ZNF695: variants seen among roughly 807,000 people sequenced by gnomAD.
ZNF695 encodes the protein zinc finger protein SBZF3.
ZNF695 carries 11 observed loss-of-function variants against 11.2 expected under a neutral mutation model. The observed-to-expected ratio is 0.98, with a 90% CI of 0.62 to 1.62. The LOEUF (loss-of-function observed/expected upper bound fraction) is 1.62. ZNF695 is among the 40% of genes most tolerant of loss of function. The pLI, the probability that ZNF695 is intolerant of heterozygous loss-of-function variation, is 0.00. For synonymous variants in ZNF695, 190 were observed against 201.4 expected (o/e 0.94, Z 0.48); for missense variants, 559 against 590.5 (o/e 0.95, Z 0.55).
intron 4 of ZNF695, among the ~76,000 whole-genome samples, chr1:246,980,299 A>T (rs1410723171): frequency 1.3e-5 from 2 of 151,456 alleles, no homozygotes; most frequent in Non-Finnish European, 2.9e-5. Flanking sequence ...TGATACATTT[A>T]GTCACTTTCT....
chr1:246,947,221 A>G, intron 5 of ZNF695, among the ~76,000 whole-genome samples: 1 of 134,222 alleles, frequency 7.5e-6, no homozygotes, highest in East Asian at 2.4e-4. Flanking sequence ...TTTTTTAGAG[A>G]CAGACCCTCC....
intron 5 of ZNF695, among the ~76,000 whole-genome samples, chr1:246,964,958 G>A (rs1356971922): frequency 6.6e-6 from 1 of 152,204 alleles, no homozygotes; most frequent in African/African-American, 2.4e-5. Flanking sequence ...GGAACTTTAT[G>A]GGGTGATTGG....
intron 5 of ZNF695, among the ~76,000 whole-genome samples, chr1:246,947,181 G>GTT (rs1262310347): frequency 7.7e-6 from 1 of 129,746 alleles, no homozygotes; most frequent in Non-Finnish European, 1.6e-5. Flanking sequence ...GGGTGATAGG[G>GTT]TTTTTTATTT....
rs368774789 is a variant in ZNF695, at chr1:246,988,147, C to T, written c.368G>A (p.Arg123His). ...RYERCCLEKL[R>H]LRNDWEIVGE... The stretch of plus-strand genomic sequence containing the variant: ...CACAATTTCCCAGTCATTCCTTAAG[C>T]GTAATTTCTCAAGACAACATCTTTC... Residue 123 changes from arginine (R) to histidine (H), a missense_variant, in exon 4 of 4, where the codon CGC becomes CAC. Transcript: ENST00000339986. The T allele has an allele frequency of 1.2e-5, 20 of 1,613,598 alleles. No homozygotes were observed. Among genetic ancestry groups the T allele is most frequent in the East Asian group, 6.7e-5 (3 of 44,878 alleles).
Position 246,985,826 on chromosome 1 carries a change from A to T in ZNF695, c.*1141T>A. On this transcript the variant is annotated 3_prime_UTR_variant, in exon 4 of 4. Coordinates refer to ENST00000339986, the MANE Select transcript of ZNF695 (RefSeq NM_020394.5). ...AAGTACAAAGAGCCTCTCCAGTTAA[A>T]TTTCTTCAGGAAGCTTACAATGCAA... 1.0e-6 allele frequency: 1 copy of T among 985,424 alleles called. No homozygotes were observed. The allele number at this position is 985,424 out of a possible 1,614,324, so 61.0% of individuals were successfully genotyped here.
At chr1:246,951,817 C>T (rs964806709) in intron 5 of ZNF695, among the ~76,000 whole-genome samples, 1 of 152,176 alleles carries the variant, frequency 6.6e-6, no homozygotes, top group African/African-American at 2.4e-5. Flanking sequence ...AGAATGAGCC[C>T]CATAGGCTTT....
At chr1:246,972,331 C>G (rs561471413) in intron 4 of ZNF695, among the ~76,000 whole-genome samples, 21 of 152,338 alleles carry the variant, frequency 1.4e-4, no homozygotes, top group African/African-American at 4.6e-4. Flanking sequence ...AGCAACCCCC[C>G]AAGTGGTTGC....
intron 4 of ZNF695, among the ~76,000 whole-genome samples, chr1:246,976,672 T>G (rs933077283): frequency 6.6e-6 from 1 of 151,922 alleles, no homozygotes; most frequent in Non-Finnish European, 1.5e-5. Context: ...CGGGCACCTG[T>G]AGTCCCAGCT....
chr1:246,971,702 T>C (rs964621780), intron 4 of ZNF695, among the ~76,000 whole-genome samples: 3 of 152,170 alleles, frequency 2.0e-5, no homozygotes, highest in African/African-American at 7.2e-5. Context: ...GAATAAAGAG[T>C]AATGCTAGAA....
chr1:246,960,796 G>A (rs771271868), intron 5 of ZNF695, among the ~76,000 whole-genome samples: 2 of 152,130 alleles, frequency 1.3e-5, no homozygotes, highest in Admixed American at 1.3e-4. Flanking sequence ...AGCTGGGCAT[G>A]GTGGTGCTCA....
intron 1 of ZNF695, among the ~76,000 whole-genome samples, chr1:247,000,330 C>A (rs1669327683): frequency 6.6e-6 from 1 of 152,046 alleles, no homozygotes; most frequent in Admixed American, 6.6e-5. Flanking sequence ...CACGGTGAAA[C>A]CCCATCTCTG....
At chr1:246,955,256 G>C (rs1156552946) in intron 5 of ZNF695, among the ~76,000 whole-genome samples, 1 of 152,132 alleles carries the variant, frequency 6.6e-6, no homozygotes, top group Non-Finnish European at 1.5e-5. Context: ...TATGAAAATA[G>C]ACCAATACAG....
rs909772872 is a variant in ZNF695 at position 247,007,978 on chromosome 1, G to A, written c.-70C>T. 3.6e-5 allele frequency: 52 copies of A among 1,429,574 alleles called. No homozygotes were observed. The highest frequency in any genetic ancestry group is 3.8e-4 in the Middle Eastern group (2 of 5,308). The allele number at this position is 1,429,574 out of a possible 1,614,324, so 88.6% of individuals were successfully genotyped here. On this transcript the variant is annotated 5_prime_UTR_variant, in exon 1 of 4. Transcript: ENST00000339986. ...AATACCTGCAGGCCACAGGGCGATG[G>A]AGCCTGCGGCAGTCACCCGGGACTC...
At chr1:247,001,532 T>C (rs1669382356) in intron 1 of ZNF695, among the ~76,000 whole-genome samples, 1 of 151,326 alleles carries the variant, frequency 6.6e-6, no homozygotes, top group Non-Finnish European at 1.5e-5. Flanking sequence ...GCCAACATAG[T>C]GAAACCCCAT....
intron 1 of ZNF695, among the ~76,000 whole-genome samples, chr1:247,000,568 G>A (rs1210355454): frequency 6.6e-6 from 1 of 152,140 alleles, no homozygotes; most frequent in Admixed American, 6.6e-5. Context: ...TATTCTCTCT[G>A]AGGAAAGAAG....
chr1:247,004,636 C>A (rs1385199774), intron 1 of ZNF695, among the ~76,000 whole-genome samples: 1 of 152,098 alleles, frequency 6.6e-6, no homozygotes, highest in Non-Finnish European at 1.5e-5. Flanking sequence ...AGGAAGAAGT[C>A]AAATTATCCT....
At chr1:246,955,420 C>G (rs1252727124) in intron 5 of ZNF695, among the ~76,000 whole-genome samples, 1 of 152,140 alleles carries the variant, frequency 6.6e-6, no homozygotes, top group Non-Finnish European at 1.5e-5. Context: ...CCATCATTGA[C>G]TGAAACTGTT....
intron 1 of ZNF695, among the ~76,000 whole-genome samples, chr1:247,007,497 A>AG (rs1669574896): frequency 6.7e-6 from 1 of 148,928 alleles, no homozygotes; most frequent in South Asian, 2.1e-4. Flanking sequence ...TCCGTCTCAA[A>AG]AAAAAAAAAA....
At chr1:246,995,871 C>A in intron 3 of ZNF695, 1 of 235,936 alleles carries the variant, frequency 4.2e-6, no homozygotes, top group Non-Finnish European at 8.3e-6. Flanking sequence ...TTGGTATTGG[C>A]ATAAAGGCAG....
Sources: allele counts gnomAD v4.1 joint callset (sites outside exome capture counted in the v4.1 genomes callset), GRCh38; gene constraint gnomAD v4.1.1; transcripts MANE v1.5; gene names NCBI Gene and HGNC (gene_info 2026-07-23, HGNC 2026-07-21).